The following COL27A1 variants were observed in gnomAD, a reference collection of about 807,000 sequenced individuals.
The protein encoded by COL27A1 is collagen type XXVII alpha 1 chain.
Under a neutral mutation model 251.3 loss-of-function variants are expected in COL27A1, and 106 were observed. The observed-to-expected ratio is 0.42, with a 90% CI of 0.36 to 0.50. The LOEUF (loss-of-function observed/expected upper bound fraction) is 0.50, where lower values mean the gene tolerates loss of function less well. COL27A1 is among the 20% of genes least tolerant of loss of function. The probability of loss-of-function intolerance (pLI) is 0.00; values close to 1 mark genes in which losing one functional copy is unlikely to be tolerated. For missense variants in COL27A1, 2,325 were observed against 2,522.8 expected, an observed-to-expected ratio of 0.92 and a Z score of 1.68; for synonymous variants, 1,000 against 986.3, an observed-to-expected ratio of 1.01 and a Z score of -0.26.
intron 5 of COL27A1, among the ~76,000 whole-genome samples, chr9:114,190,962 C>G (rs1828709980): frequency 6.6e-6 from 1 of 152,224 alleles, no homozygotes; most frequent in African/African-American, 2.4e-5. Flanking sequence ...AGGAGCCTGG[C>G]TGGGAAGACA....
intron 45 of COL27A1, among the ~76,000 whole-genome samples, chr9:114,289,591 G>T (rs1035665697): frequency 6.6e-6 from 1 of 152,142 alleles, no homozygotes; most frequent in African/African-American, 2.4e-5. Context: ...AGAGAAAACT[G>T]GGAGAAGTCA....
intron 24 of COL27A1, among the ~76,000 whole-genome samples, chr9:114,250,185 G>A (rs1019072691): frequency 2.0e-5 from 3 of 152,204 alleles, no homozygotes; most frequent in Admixed American, 6.5e-5. Flanking sequence ...TTCTCTTGGC[G>A]GAGGCTGTTA....
rs1254453425 is a variant in COL27A1, at chr9:114,169,234, G to A, written c.1679G>A (p.Gly560Glu). The A allele has an allele frequency of 1.2e-6, 2 of 1,613,890 alleles. No homozygotes were observed. Among genetic ancestry groups the A allele is most frequent in the South Asian group, 1.1e-5 (1 of 91,050 alleles). ...CGGAAGCCTGTCCCCCTCAGACCTGGGAAGGCAGCCAGGGATGTCCCCTTG... is the reference window on the plus strand; with the variant it reads ...CGGAAGCCTGTCCCCCTCAGACCTGAGAAGGCAGCCAGGGATGTCCCCTTG... ...SPRKPVPLRPGKAARDVPLSD... is the reference protein window; with the variant it reads ...SPRKPVPLRPEKAARDVPLSD... The change falls in exon 3 of 61, where the codon GGG becomes GAG. Residue 560 changes from glycine (G) to glutamate (E), a missense_variant. Gly to Glu is a moderately conservative substitution (Grantham distance 98). This residue lies in a region of COL27A1 where 1,183 missense variants were observed against 1,144.1 expected (regional missense o/e 1.03). Transcript: ENST00000356083.
intron 3 of COL27A1, among the ~76,000 whole-genome samples, chr9:114,172,579 G>A (rs1214906046): frequency 6.6e-6 from 1 of 152,202 alleles, no homozygotes; most frequent in Non-Finnish European, 1.5e-5. Context: ...GCCGAGGCAG[G>A]CGGATCACTT....
chr9:114,300,966 C>T (rs1828580970), intron 51 of COL27A1, 106 bp from the exon 52 acceptor site: 2 of 1,113,622 alleles, frequency 1.8e-6, no homozygotes, highest in South Asian at 1.5e-5. Context: ...TTCAGATGGT[C>T]TCCCTTCTAC....
chr9:114,167,162 G>T lies in COL27A1; in HGVS notation c.134-527G>T, dbSNP rs544990810. On this transcript the variant is annotated intron_variant, in intron 2 of 60. Transcript: ENST00000356083. ...CTTCCTGGAGGAGATGGCTTTCCAG[G>T]TGGAGAAAAAGGAGTATAACGTGTC... is the stretch of plus-strand genomic sequence containing the variant. 4.6e-5 allele frequency among the ~76,000 whole-genome samples: 7 copies of T among 152,250 alleles called. No homozygotes were observed. The South Asian group carries it at 1.5e-3, about 32-fold the overall frequency.
chr9:114,296,122 A>T (rs1331210094), intron 49 of COL27A1, among the ~76,000 whole-genome samples: 1 of 152,268 alleles, frequency 6.6e-6, no homozygotes, highest in Non-Finnish European at 1.5e-5. Context: ...ACATAGAAGG[A>T]CATCTTCAAG....
chr9:114,296,359 A>G lies in COL27A1; in HGVS notation c.4585-3711A>G, dbSNP rs560481542. On this transcript the variant is annotated intron_variant, in intron 49 of 60. Transcript: ENST00000356083. ...AAAAGAACTCGCAAAACTCAATAAT[A>G]AAAATAAGCAGCCCAATTTTTTTAA... 3.3e-5 allele frequency among the ~76,000 whole-genome samples: 5 copies of G among 152,372 alleles called. No homozygotes were observed. The South Asian group carries it at 1.0e-3, about 32-fold the overall frequency.
intron 14 of COL27A1, among the ~76,000 whole-genome samples, chr9:114,223,471 C>A (rs540409723): frequency 6.6e-6 from 1 of 152,200 alleles, no homozygotes; most frequent in East Asian, 1.9e-4. Context: ...GGGAGCAGAA[C>A]CTGGGTGGGG....
chr9:114,304,454 G>T (rs1828883837), intron 56 of COL27A1, 154 bp from the exon 57 acceptor site: 2 of 668,252 alleles, frequency 3.0e-6, no homozygotes. Context: ...GGTCAGCTTT[G>T]ACTGTCTGCA....
intron 41 of COL27A1, among the ~76,000 whole-genome samples, chr9:114,285,343 C>G (rs1320149416): frequency 6.6e-6 from 1 of 152,152 alleles, no homozygotes; most frequent in Admixed American, 6.5e-5. Flanking sequence ...ACCCTGCCCC[C>G]CCATGCCAGT....
intron 2 of COL27A1, among the ~76,000 whole-genome samples, 174 bp from the exon 3 acceptor site, chr9:114,167,515 A>G (rs975073441): frequency 2.6e-5 from 4 of 152,220 alleles, no homozygotes; most frequent in African/African-American, 9.6e-5. Flanking sequence ...AGATAGTTCC[A>G]ACGCTGCCCT....
chr9:114,220,662 A>G (rs1435117658), intron 13 of COL27A1, among the ~76,000 whole-genome samples: 2 of 152,074 alleles, frequency 1.3e-5, no homozygotes, highest in African/African-American at 4.8e-5. Context: ...CACCTCCCTG[A>G]ATCTCAGTTT....
chr9:114,275,481 A>G (rs1835435697), intron 36 of COL27A1, among the ~76,000 whole-genome samples, 180 bp from the exon 37 acceptor site: 1 of 152,042 alleles, frequency 6.6e-6, no homozygotes, highest in Non-Finnish European at 1.5e-5. Flanking sequence ...TTAGAGCTAC[A>G]CTGGGCTTGG....
chr9:114,168,734 A>G lies in COL27A1; in HGVS notation c.1179A>G (p.Pro393=), dbSNP rs1382532191. The part of the protein sequence containing the change: ...KSPHPTQKTA[P]SSFTKSALPT... The stretch of plus-strand genomic sequence containing the variant: ...CCCATCCTACCCAGAAAACAGCTCC[A>G]TCTTCATTTACAAAGTCAGCCCTAC... Residue 393 remains proline (P), a synonymous_variant, in exon 3 of 61, where the codon CCA becomes CCG. Coordinates refer to ENST00000356083, the MANE Select transcript of COL27A1 (RefSeq NM_032888.4). 6.2e-6 allele frequency: 10 copies of G among 1,613,990 alleles called. No individual in the cohort carries two copies. In the South Asian group the frequency reaches 8.8e-5, roughly 14 times the overall value.
chr9:114,222,372 A>C, intron 14 of COL27A1, 105 bp downstream of exon 14: 2 of 888,246 alleles, frequency 2.3e-6, no homozygotes, highest in Admixed American at 2.5e-5. Flanking sequence ...GGTTGAAAAG[A>C]CCCTTCTCTC....
chr9:114,190,315 A>G (rs1828667266), intron 5 of COL27A1, among the ~76,000 whole-genome samples: 1 of 152,208 alleles, frequency 6.6e-6, no homozygotes, highest in South Asian at 2.1e-4. Flanking sequence ...TCTGTCATCC[A>G]GGCTGGAGTG....
chr9:114,305,824 G>A (rs756635957), intron 57 of COL27A1, among the ~76,000 whole-genome samples: 4 of 152,162 alleles, frequency 2.6e-5, no homozygotes, highest in Admixed American at 6.5e-5. Flanking sequence ...TTGGGTGAGC[G>A]GCTGCTGGTC....
chr9:114,215,287 G>C lies in COL27A1; in HGVS notation c.2367+4261G>C, dbSNP rs146094734. Among the ~76,000 whole-genome samples the C allele has an allele frequency of 1.9e-4, 29 of 152,364 alleles. No individual in the cohort carries two copies. In the East Asian group the frequency reaches 5.0e-3, roughly 26 times the overall value. On this transcript the variant is annotated intron_variant, in intron 12 of 60. Transcript: ENST00000356083. Reference sequence around the variant, plus strand: ...CTTTCCAGTTCTCAGATTACAGGCAGCAAGCAGCCAAGTAACAGAGAATTC... The same window carrying C: ...CTTTCCAGTTCTCAGATTACAGGCACCAAGCAGCCAAGTAACAGAGAATTC...
Sources: gnomAD v4.1 joint callset for allele counts (sites outside exome capture counted in the v4.1 genomes callset) on GRCh38, gnomAD v4.1.1 for gene constraint, gnomAD v4.1.1 regional missense constraint, MANE v1.5 for transcripts, NCBI Gene and HGNC (gene_info 2026-07-23, HGNC 2026-07-21) for gene names.